Variants in ZNF385D observed in about 807,000 individuals in gnomAD.
ZNF385D encodes the protein zinc finger protein 659.
Under a neutral mutation model 35.8 loss-of-function variants are expected in ZNF385D, and 15 were observed. That is an observed-to-expected ratio of 0.42 (90% CI 0.28 to 0.64). The LOEUF is 0.64. ZNF385D is among the 30% of genes least tolerant of loss of function. The pLI is 0.23. For missense variants in ZNF385D, 474 were observed against 494.6 expected, an observed-to-expected ratio of 0.96 and a Z score of 0.39; for synonymous variants, 212 against 186.8, an observed-to-expected ratio of 1.13 and a Z score of -1.10.
chr3:22,116,731 T>A (rs2125656233), intron 3 of ZNF385D, among the ~76,000 whole-genome samples: 1 of 152,134 alleles, frequency 6.6e-6, no homozygotes, highest in South Asian at 2.1e-4. Flanking sequence ...TAATGCAAAA[T>A]TTAGAGACAC....
At chr3:21,574,586 CG>C (rs139857989) in intron 2 of ZNF385D, among the ~76,000 whole-genome samples, 198 of 151,954 alleles carry the variant, frequency 1.3e-3, no homozygotes, top group Non-Finnish European at 2.4e-3. Context: ...TTGTGTGCTT[CG>C]AAAAATCATT....
chr3:21,455,035 G>A (rs1702705731), intron 4 of ZNF385D, among the ~76,000 whole-genome samples: 1 of 152,118 alleles, frequency 6.6e-6, no homozygotes, highest in Admixed American at 6.6e-5. Context: ...CAAGGGATGT[G>A]AAGGACCTCT....
chr3:22,177,973 C>A (rs552927152), intron 2 of ZNF385D, among the ~76,000 whole-genome samples: 11 of 152,282 alleles, frequency 7.2e-5, no homozygotes, highest in Admixed American at 7.2e-4. Context: ...TTTTCTTAAT[C>A]CAGTCTATCA....
intron 3 of ZNF385D, among the ~76,000 whole-genome samples, chr3:21,837,431 G>A (rs1176929025): frequency 6.6e-6 from 1 of 152,080 alleles, no homozygotes; most frequent in Non-Finnish European, 1.5e-5. Flanking sequence ...GGATGGCTAG[G>A]CCTCTCTTTC....
chr3:22,148,201 C>G (rs1704985598), intron 3 of ZNF385D, among the ~76,000 whole-genome samples: 1 of 152,106 alleles, frequency 6.6e-6, no homozygotes, highest in Admixed American at 6.6e-5. Context: ...TTGTCTTTAG[C>G]CATGCATGAT....
At chr3:22,128,056 G>A in intron 3 of ZNF385D, among the ~76,000 whole-genome samples, 1 of 152,148 alleles carries the variant, frequency 6.6e-6, no homozygotes, top group East Asian at 1.9e-4. Context: ...AGCCATTCTT[G>A]TAGGTTATGT....
chr3:21,966,525 A>G (rs1212084831), intron 3 of ZNF385D, among the ~76,000 whole-genome samples: 1 of 152,172 alleles, frequency 6.6e-6, no homozygotes, highest in African/African-American at 2.4e-5. Context: ...TTCCTGATTA[A>G]TTGTGTCCCT....
chr3:21,709,800 G>T, intron 1 of ZNF385D, among the ~76,000 whole-genome samples: 1 of 152,090 alleles, frequency 6.6e-6, no homozygotes, highest in East Asian at 1.9e-4. Flanking sequence ...CCACTCCTAG[G>T]TGTCTTCCCA....
chr3:22,310,186 C>A (rs1241485889), intron 2 of ZNF385D, among the ~76,000 whole-genome samples: 1 of 151,938 alleles, frequency 6.6e-6, no homozygotes, highest in Admixed American at 6.6e-5. Context: ...ATTCCAGAGA[C>A]CATTTCCTGG....
At chr3:21,752,438 T>C (rs2070146048), upstream of ZNF385D, among the ~76,000 whole-genome samples, 1 of 152,206 alleles carries the variant, frequency 6.6e-6, no homozygotes, top group African/African-American at 2.4e-5. Context: ...TAAAATATTC[T>C]ATAGCATTTC....
chr3:22,140,907 AG>A (rs1704465597), intron 3 of ZNF385D, among the ~76,000 whole-genome samples: 1 of 152,184 alleles, frequency 6.6e-6, no homozygotes, highest in Non-Finnish European at 1.5e-5. Flanking sequence ...CTACTTTTTT[AG>A]TCATCCAGGT....
chr3:21,795,001 A>G (rs1166666212), intron 3 of ZNF385D, among the ~76,000 whole-genome samples: 1 of 152,156 alleles, frequency 6.6e-6, no homozygotes, highest in Admixed American at 6.5e-5. Context: ...TTTTACTAAT[A>G]CTCTCATAGT....
At chr3:21,772,001 A>G (rs2335427) in intron 3 of ZNF385D, among the ~76,000 whole-genome samples, 142,455 of 151,950 alleles carry the variant, frequency 0.94, 66,789 homozygotes, top group East Asian at 0.98. Flanking sequence ...TTCAACAAAC[A>G]GTTCTGGGAA....
intron 3 of ZNF385D, among the ~76,000 whole-genome samples, chr3:21,920,460 A>G (rs1375020708): frequency 2.0e-5 from 3 of 152,118 alleles, no homozygotes; most frequent in Non-Finnish European, 2.9e-5. Flanking sequence ...AGACAGAAAT[A>G]TTAGTAGGTT....
chr3:21,995,097 G>C (rs1695378516), intron 3 of ZNF385D, among the ~76,000 whole-genome samples: 1 of 152,232 alleles, frequency 6.6e-6, no homozygotes, highest in Non-Finnish European at 1.5e-5. Flanking sequence ...CCTGGGCAGT[G>C]TGCATGACAT....
At chr3:22,178,432 G>GT (rs1049797280) in intron 2 of ZNF385D, among the ~76,000 whole-genome samples, 6 of 152,122 alleles carry the variant, frequency 3.9e-5, no homozygotes, top group Admixed American at 2.6e-4. Flanking sequence ...TGATGGGGTT[G>GT]TTTTTTTCTT....
At chr3:21,954,198 T>C (rs1486071240) in intron 3 of ZNF385D, among the ~76,000 whole-genome samples, 2 of 151,824 alleles carry the variant, frequency 1.3e-5, no homozygotes, top group Non-Finnish European at 2.9e-5. Context: ...TGTACCTCAG[T>C]TTCTTTGCTG....
chr3:21,546,555 C>T (rs2062379136), intron 3 of ZNF385D, among the ~76,000 whole-genome samples: 1 of 151,896 alleles, frequency 6.6e-6, no homozygotes, highest in Non-Finnish European at 1.5e-5. Context: ...CCATGCAACC[C>T]CCCTGAGACA....
chr3:21,495,035 A>G (rs1467714264), intron 4 of ZNF385D, among the ~76,000 whole-genome samples: 1 of 152,140 alleles, frequency 6.6e-6, no homozygotes, highest in Non-Finnish European at 1.5e-5. Flanking sequence ...TGTACCATCC[A>G]GAGTGAAGAT....
Sources: gnomAD v4.1 joint callset for allele counts (sites outside exome capture counted in the v4.1 genomes callset) on GRCh38, gnomAD v4.1.1 for gene constraint, MANE v1.5 for transcripts, NCBI Gene and HGNC (gene_info 2026-07-23, HGNC 2026-07-21) for gene names.